The following HABP4 variants were observed in gnomAD, a reference collection of about 807,000 sequenced individuals.
The protein encoded by HABP4 is intracellular hyaluronan-binding protein 4.
A neutral mutation model predicts 44.1 loss-of-function variants in HABP4; 32 were observed. The ratio of observed to expected loss-of-function variants is 0.73; its 90% CI spans 0.55 to 0.97. HABP4 has a LOEUF of 0.97. Among genes scored for constraint, HABP4 ranks in the 50% least tolerant of loss-of-function variants. The probability of loss-of-function intolerance (pLI) is 0.00; values close to 1 mark genes in which losing one functional copy is unlikely to be tolerated. For synonymous variants in HABP4, 216 were observed against 218.0 expected (o/e 0.99, Z 0.08); for missense variants, 503 against 561.9 (o/e 0.90, Z 1.06).
intron 4 of HABP4, among the ~76,000 whole-genome samples, chr9:96,469,011 C>T (rs1255915438): frequency 1.3e-5 from 2 of 152,102 alleles, no homozygotes; most frequent in African/African-American, 2.4e-5. Flanking sequence ...TTGCTGTAGT[C>T]GAGTATTCCT....
At chr9:96,465,272 AT>A (rs1400558073) in intron 2 of HABP4, 64 bp from the exon 3 acceptor site, 1 of 1,030,400 alleles carries the variant, frequency 9.7e-7, no homozygotes, top group East Asian at 2.4e-5. Flanking sequence ...TTCTTTTAGA[AT>A]TTTTTTCTGG....
At chr9:96,480,242 C>T (rs1832852746) in intron 5 of HABP4, among the ~76,000 whole-genome samples, 1 of 152,124 alleles carries the variant, frequency 6.6e-6, no homozygotes, top group Non-Finnish European at 1.5e-5. Flanking sequence ...GTGTGGCTCT[C>T]CAAGGTACTG....
Position 96,490,253 on chromosome 9 carries a change from G to GT in HABP4, c.*220dup. On this transcript the variant is annotated 3_prime_UTR_variant, in exon 8 of 8. Transcript: ENST00000375249. ...CAAGAAGATGAAGAATGGTGACTGT[G>GT]TTTTTATTGAAGGAATTTCAAATGA... The GT allele has an allele frequency of 1.7e-6, 1 of 574,350 alleles. No homozygotes were observed. The highest frequency in any genetic ancestry group is 3.1e-6 in the Non-Finnish European group (1 of 322,972). The allele number at this position is 574,350 out of a possible 1,614,324, so 35.6% of individuals were successfully genotyped here. A position where few individuals can be genotyped will look rare whatever the true frequency, so the allele number is the denominator to read the frequency against.
chr9:96,450,210 C>G lies in HABP4; in HGVS notation c.-70C>G. The G allele has an allele frequency of 2.4e-6, 3 of 1,273,254 alleles. No homozygotes were observed. The highest frequency in any genetic ancestry group is 3.5e-5 in the East Asian group (1 of 28,920). The allele number at this position is 1,273,254 out of a possible 1,614,324, so 78.9% of individuals were successfully genotyped here. ...TGGCGGCGGAGCGGGCGGCATGGGT[C>G]CTGGCCGCCGGCTTCGCTGAGACGC... On this transcript the variant is annotated 5_prime_UTR_variant, in exon 1 of 8. Transcript: ENST00000375249. The surrounding 1 kb of genome is among the most constrained non-coding windows in gnomAD (Gnocchi z 4.8).
chr9:96,461,230 GA>G (rs1367333375), intron 2 of HABP4, among the ~76,000 whole-genome samples: 1 of 152,134 alleles, frequency 6.6e-6, no homozygotes, highest in Non-Finnish European at 1.5e-5. Flanking sequence ...ACTGAACACT[GA>G]AAAATGATTA....
chr9:96,456,776 AAAAAATATATATATATATAT>A (rs1453364004), intron 1 of HABP4, among the ~76,000 whole-genome samples: 19 of 64,488 alleles, frequency 2.9e-4, no homozygotes, highest in South Asian at 1.2e-3. Context: ...AAAAAAAAAA[AAAAAATATATATATATATAT>A]ATATATATAT....
At chr9:96,464,220 G>A (rs906175632) in intron 2 of HABP4, among the ~76,000 whole-genome samples, 3 of 152,158 alleles carry the variant, frequency 2.0e-5, no homozygotes, top group Non-Finnish European at 2.9e-5. Context: ...GGGGATGTCC[G>A]GGTGGAGATG....
rs1832932501 is a variant in HABP4, at chr9:96,484,304, T to TA, written c.828-157dup. On this transcript the variant is annotated intron_variant, in intron 5 of 7. Coordinates refer to ENST00000375249, the MANE Select transcript of HABP4 (RefSeq NM_014282.4). ...ATGACATAAAATGTTGAAAATGAAATATGGAAGCTTGTGAGTCAAAGATTT... is the reference window on the plus strand; with the variant it reads ...ATGACATAAAATGTTGAAAATGAAATAATGGAAGCTTGTGAGTCAAAGATTT... The TA allele has an allele frequency of 9.3e-6, 5 of 540,468 alleles. No individual in the cohort carries two copies. The South Asian group carries it at 1.4e-4, about 15-fold the overall frequency. 33.5% of individuals were successfully genotyped at this position (540,468 alleles called of 1,614,324 possible).
rs539346673 is a variant in HABP4 at position 96,458,287 on chromosome 9, G to GA, written c.350-87dup. On this transcript the variant is annotated intron_variant, in intron 1 of 7. Transcript: ENST00000375249. ...AATTCTCCTATGACGTTGATTTCTA[G>GA]AAAAATGAAATTTACAAGTACCTGT... The GA allele has an allele frequency of 3.7e-3, 4,837 of 1,316,124 alleles. 18 individuals carry two copies. Among genetic ancestry groups the GA allele is most frequent in the Admixed American group, 9.1e-3 (532 of 58,572 alleles). The allele number at this position is 1,316,124 out of a possible 1,614,324, so 81.5% of individuals were successfully genotyped here.
intron 5 of HABP4, among the ~76,000 whole-genome samples, chr9:96,477,237 C>A (rs2131147470): frequency 6.6e-6 from 1 of 152,194 alleles, no homozygotes; most frequent in East Asian, 1.9e-4. Context: ...GCATTCAGTT[C>A]TGTTGATTTT....
chr9:96,462,702 G>A (rs1832525667), intron 2 of HABP4, among the ~76,000 whole-genome samples: 1 of 152,064 alleles, frequency 6.6e-6, no homozygotes, highest in African/African-American at 2.4e-5. Flanking sequence ...TAGGTAGGCG[G>A]ATCTCTTGAG....
Position 96,465,356 on chromosome 9 carries a change from C to T in HABP4, c.532C>T (p.Arg178Ter), listed in dbSNP as rs745397116. ...PDEKPGDRFD[R>*]DRPLRGRGGP... Reference sequence around the variant, plus strand: ...TCCTAGACCAGGTGATAGGTTTGATCGAGACAGACCGTTGAGAGGACGTGG... The same window carrying T: ...TCCTAGACCAGGTGATAGGTTTGATTGAGACAGACCGTTGAGAGGACGTGG... The change falls in exon 3 of 8, where the codon CGA becomes TGA. Residue 178 changes from arginine (R) to a stop codon, truncating the protein, a stop_gained. Transcript: ENST00000375249. LOFTEE classifies it high-confidence loss of function. The T allele has an allele frequency of 5.0e-6, 8 of 1,609,456 alleles. No homozygotes were observed. The highest frequency in any genetic ancestry group is 1.1e-5 in the South Asian group (1 of 90,954).
At chr9:96,479,567 T>G (rs1832842397) in intron 5 of HABP4, among the ~76,000 whole-genome samples, 1 of 152,084 alleles carries the variant, frequency 6.6e-6, no homozygotes, top group Admixed American at 6.5e-5. Flanking sequence ...TGGAGTGCAG[T>G]GATGCAATCT....
chr9:96,461,329 T>G (rs1186636267), intron 2 of HABP4, among the ~76,000 whole-genome samples: 6 of 152,152 alleles, frequency 3.9e-5, no homozygotes, highest in Admixed American at 6.6e-5. Flanking sequence ...CTGAGGGATT[T>G]TTTTTTTCAG....
intron 2 of HABP4, among the ~76,000 whole-genome samples, chr9:96,463,993 A>T (rs1331868634): frequency 6.6e-6 from 1 of 152,192 alleles, no homozygotes; most frequent in African/African-American, 2.4e-5. Flanking sequence ...GGTGAAAAAG[A>T]GCTTAGAGCT....
At chr9:96,469,753 C>T (rs1221281256) in intron 4 of HABP4, among the ~76,000 whole-genome samples, 2 of 152,110 alleles carry the variant, frequency 1.3e-5, no homozygotes, top group African/African-American at 4.8e-5. Context: ...AATCTCCTGA[C>T]CTCGTGATCC....
intron 5 of HABP4, among the ~76,000 whole-genome samples, chr9:96,475,390 CAAAA>C (rs61553823): frequency 5.3e-5 from 5 of 94,118 alleles, no homozygotes; most frequent in Admixed American, 1.2e-4. Context: ...ACAACAACAA[CAAAA>C]AAAAAAAAAA....
chr9:96,481,907 G>A (rs1232733928), intron 5 of HABP4, among the ~76,000 whole-genome samples: 5 of 151,078 alleles, frequency 3.3e-5, no homozygotes, highest in African/African-American at 9.7e-5. Context: ...TTCATATTGT[G>A]TGTAACCATC....
intron 6 of HABP4, among the ~76,000 whole-genome samples, chr9:96,487,635 T>G (rs57270970): frequency 0.024 from 3,688 of 152,300 alleles, 155 homozygotes; most frequent in African/African-American, 0.085. Context: ...GAAGGGGATA[T>G]TTCCTTATTT....
Sources: gnomAD v4.1 joint callset for allele counts (sites outside exome capture counted in the v4.1 genomes callset) on GRCh38, gnomAD v4.1.1 for gene constraint, Gnocchi (gnomAD v3.1) non-coding constraint, MANE v1.5 for transcripts, NCBI Gene and HGNC (gene_info 2026-07-23, HGNC 2026-07-21) for gene names.